The following DYRK1A variants were observed in gnomAD, a reference collection of about 807,000 sequenced individuals.
DYRK1A encodes the protein dual specificity tyrosine phosphorylation regulated kinase 1A, also known as dual specificity tyrosine-phosphorylation-regulated kinase 1A.
Under a neutral mutation model 79.7 loss-of-function variants are expected in DYRK1A, and 9 were observed. That is an observed-to-expected ratio of 0.11 (90% CI 0.07 to 0.20). The LOEUF is 0.20. Ranked by LOEUF, DYRK1A falls within the 10% of genes least tolerant of loss-of-function variation. DYRK1A has a pLI of 1.00. For synonymous variants in DYRK1A, 349 were observed against 329.7 expected (o/e 1.06, Z -0.63); for missense variants, 622 against 956.0 (o/e 0.65, Z 4.61).
At chr21:37,439,366 G>A (rs1003365289) in intron 2 of DYRK1A, among the ~76,000 whole-genome samples, 9 of 152,250 alleles carry the variant, frequency 5.9e-5, no homozygotes, top group African/African-American at 2.2e-4. Context: ...AATAGAAGTA[G>A]TGAAAGAGGA....
At chr21:37,442,307 C>T (rs895326382) in intron 2 of DYRK1A, among the ~76,000 whole-genome samples, 7 of 151,918 alleles carry the variant, frequency 4.6e-5, no homozygotes, top group African/African-American at 1.7e-4. Context: ...TTTGGGTTCT[C>T]CTCTCTGTCA....
At chr21:37,456,050 A>G (rs187034831) in intron 2 of DYRK1A, 2 of 152,258 alleles carry the variant, frequency 1.3e-5, no homozygotes, top group East Asian at 3.9e-4. Flanking sequence ...AGAAAATCCC[A>G]TGTTTTAGCT....
chr21:37,488,518 G>A (rs1426378451), intron 6 of DYRK1A: 1 of 921,736 alleles, frequency 1.1e-6, no homozygotes, highest in Admixed American at 6.2e-5. Context: ...TACCTGCCAT[G>A]GTCTAGTTAA....
chr21:37,370,918 A>G (rs1431154839), intron 1 of DYRK1A, among the ~76,000 whole-genome samples: 1 of 152,176 alleles, frequency 6.6e-6, no homozygotes, highest in Non-Finnish European at 1.5e-5. Flanking sequence ...ATAGCACCTT[A>G]TGTATATATG....
At chr21:37,480,351 GTA>G (rs1431310940) in intron 4 of DYRK1A, among the ~76,000 whole-genome samples, 1 of 152,108 alleles carries the variant, frequency 6.6e-6, no homozygotes, top group African/African-American at 2.4e-5. Context: ...CCACCTCACT[GTA>G]TATAAATTAT....
At position 37,520,507 on chromosome 21, in the gene DYRK1A, A is replaced by G. The variant is rs1044972902; in HGVS notation, c.*7976A>G. Reference sequence around the variant, plus strand: ...CTCTCAGTATTAGCCTGTTATTCCTAAAGTATCATCCTCTCCTTGTATCAA... The same window carrying G: ...CTCTCAGTATTAGCCTGTTATTCCTGAAGTATCATCCTCTCCTTGTATCAA... On this transcript the variant is annotated 3_prime_UTR_variant, in exon 12 of 12. Coordinates refer to ENST00000647188, the MANE Select transcript of DYRK1A (RefSeq NM_001347721.2). 78 of 152,306 alleles carry G rather than the reference A, an allele frequency of 5.1e-4. No homozygotes were observed. Among genetic ancestry groups the G allele is most frequent in the African/African-American group, 1.9e-3 (77 of 41,552 alleles). The allele number at this position is 152,306 out of a possible 1,614,324, so 9.4% of individuals were successfully genotyped here.
intron 1 of DYRK1A, among the ~76,000 whole-genome samples, chr21:37,370,116 A>G (rs1193540243): frequency 6.6e-6 from 1 of 152,150 alleles, no homozygotes; most frequent in Admixed American, 6.5e-5. Context: ...GGTAACTGCA[A>G]CAATGTATTT....
At chr21:37,420,008 A>T (rs138778891) in intron 1 of DYRK1A, 107 of 164,726 alleles carry the variant, frequency 6.5e-4, no homozygotes, top group African/African-American at 2.4e-3. Flanking sequence ...TAAATGGTGG[A>T]ATATTCAGGT....
Position 37,512,646 on chromosome 21 carries a change from A to G in DYRK1A, c.*115A>G, listed in dbSNP as rs1268288660. On this transcript the variant is annotated 3_prime_UTR_variant, in exon 12 of 12. Transcript: ENST00000647188. ...GAGGAGATTAACACACTGAACCGCT[A>G]CAAGAGGGCAAAGCTGATTTTTTTT... is the stretch of plus-strand genomic sequence containing the variant. The G allele has an allele frequency of 1.6e-6, 2 of 1,262,758 alleles. No homozygotes were observed. Among genetic ancestry groups the G allele is most frequent in the Non-Finnish European group, 2.2e-6 (2 of 917,668 alleles). The allele number at this position is 1,262,758 out of a possible 1,614,324, so 78.2% of individuals were successfully genotyped here.
At chr21:37,401,130 C>T (rs967489951) in intron 1 of DYRK1A, among the ~76,000 whole-genome samples, 2 of 151,572 alleles carry the variant, frequency 1.3e-5, no homozygotes, top group Non-Finnish European at 2.9e-5. Context: ...GGCGACAGAA[C>T]GAGATTCTGT....
intron 2 of DYRK1A, among the ~76,000 whole-genome samples, chr21:37,458,046 C>A (rs2148518902): frequency 6.6e-6 from 1 of 152,330 alleles, no homozygotes; most frequent in South Asian, 2.1e-4. Flanking sequence ...TCCTGGCCGC[C>A]TCTGTGTGTT....
chr21:37,443,019 G>A (rs1422697958), intron 2 of DYRK1A, among the ~76,000 whole-genome samples: 4 of 152,178 alleles, frequency 2.6e-5, no homozygotes, highest in South Asian at 2.1e-4. Flanking sequence ...TAAATTTGTA[G>A]TAGAAACGAA....
rs2053292095 is a variant in DYRK1A, at chr21:37,497,062, A to G, written c.1212+804A>G. Among the ~76,000 whole-genome samples the G allele has an allele frequency of 2.0e-5, 3 of 152,218 alleles. No individual in the cohort carries two copies. In the South Asian group the frequency reaches 6.2e-4, roughly 31 times the overall value. On this transcript the variant is annotated intron_variant, in intron 9 of 11. Transcript: ENST00000647188. ...ATGACCCCCACACACACATGTACATACAGAAGTCACCTTGAGATCATAGTT... is the reference window on the plus strand; with the variant it reads ...ATGACCCCCACACACACATGTACATGCAGAAGTCACCTTGAGATCATAGTT...
intron 1 of DYRK1A, among the ~76,000 whole-genome samples, chr21:37,389,068 G>A (rs888149093): frequency 2.0e-5 from 3 of 151,578 alleles, no homozygotes; most frequent in Non-Finnish European, 4.4e-5. Context: ...TTAAGAGATG[G>A]AGTCTTATTG....
chr21:37,495,491 C>G (rs1187011567), intron 8 of DYRK1A, among the ~76,000 whole-genome samples: 1 of 152,116 alleles, frequency 6.6e-6, no homozygotes, highest in African/African-American at 2.4e-5. Flanking sequence ...AACCCTGTCT[C>G]TACTGAAAAA....
At chr21:37,435,502 C>T (rs2050898442) in intron 2 of DYRK1A, among the ~76,000 whole-genome samples, 1 of 152,174 alleles carries the variant, frequency 6.6e-6, no homozygotes, top group Admixed American at 6.5e-5. Context: ...TGTTAAATAA[C>T]TGTAACCAAA....
intron 1 of DYRK1A, among the ~76,000 whole-genome samples, chr21:37,413,057 A>T (rs1216510985): frequency 6.6e-6 from 1 of 152,204 alleles, no homozygotes; most frequent in East Asian, 1.9e-4. Context: ...GATTATTTGG[A>T]GGATAGCTAG....
chr21:37,403,597 C>A (rs2050091550), intron 1 of DYRK1A, among the ~76,000 whole-genome samples: 1 of 149,188 alleles, frequency 6.7e-6, no homozygotes, highest in African/African-American at 2.5e-5. Context: ...TCCTGAATAA[C>A]TGGGACTACA....
intron 2 of DYRK1A, among the ~76,000 whole-genome samples, chr21:37,457,921 G>A (rs1483264454): frequency 6.6e-6 from 1 of 152,214 alleles, no homozygotes; most frequent in Non-Finnish European, 1.5e-5. Flanking sequence ...TGTTTCCAAA[G>A]AAACATTATG....
Sources: allele counts gnomAD v4.1 joint callset (sites outside exome capture counted in the v4.1 genomes callset), GRCh38; gene constraint gnomAD v4.1.1; transcripts MANE v1.5; gene names NCBI Gene and HGNC (gene_info 2026-07-23, HGNC 2026-07-21).